The following CHD2 variants were observed in gnomAD, a reference collection of about 807,000 sequenced individuals.
The protein encoded by CHD2 is ATP-dependent chromatin remodeler CHD2.
In CHD2, 28 loss-of-function variants were observed where a neutral mutation model predicts 243.9. The ratio of observed to expected loss-of-function variants is 0.11; its 90% CI spans 0.09 to 0.16. CHD2 has a LOEUF of 0.16. Ranked by LOEUF, CHD2 falls within the 10% of genes least tolerant of loss-of-function variation. CHD2 has a pLI of 1.00. For synonymous variants in CHD2, 775 were observed against 779.0 expected (o/e 0.99, Z 0.09); for missense variants, 1,386 against 2,209.8 (o/e 0.63, Z 7.47).
intron 2 of CHD2, among the ~76,000 whole-genome samples, chr15:92,923,476 T>A (rs1596378736): frequency 6.6e-6 from 1 of 152,016 alleles, no homozygotes; most frequent in Non-Finnish European, 1.5e-5. Flanking sequence ...TCCAGGCTGG[T>A]CTTGAACTCC....
Position 92,980,804 on chromosome 15 carries a change from T to C in CHD2, c.2877-11T>C, listed in dbSNP as rs757874979. The C allele has an allele frequency of 6.2e-7, 1 of 1,600,718 alleles. No homozygotes were observed. The highest frequency in any genetic ancestry group is 8.6e-7 in the Non-Finnish European group (1 of 1,169,570). The stretch of plus-strand genomic sequence containing the variant: ...TTTGATGTTTCTAACAACTACATTT[T>C]ACTTCCACAGCTCAAATCCTTTTAA... On this transcript the variant is annotated splice_polypyrimidine_tract_variant and intron_variant, in intron 22 of 38. Coordinates refer to ENST00000394196, the MANE Select transcript of CHD2 (RefSeq NM_001271.4).
At chr15:92,971,243 G>C (rs2053837142) in intron 17 of CHD2, among the ~76,000 whole-genome samples, 2 of 152,130 alleles carry the variant, frequency 1.3e-5, no homozygotes, top group South Asian at 4.1e-4. Flanking sequence ...ATACTTACTA[G>C]TTAAGCATTC....
intron 5 of CHD2, among the ~76,000 whole-genome samples, chr15:92,935,271 C>T (rs1364800018): frequency 1.3e-5 from 2 of 152,096 alleles, no homozygotes; most frequent in Admixed American, 6.5e-5. Flanking sequence ...CTACTGACCT[C>T]GTGATCCGCC....
Position 92,978,421 on chromosome 15 carries a change from T to TG in CHD2, c.2727+43dup, listed in dbSNP as rs755167274. On this transcript the variant is annotated intron_variant, in intron 21 of 38. Coordinates refer to ENST00000394196, the MANE Select transcript of CHD2 (RefSeq NM_001271.4). ...AGGCTTCTGGAAATTGCTTTAGGGTTGGGGGCCAGGGGGCTTGTTCAGCCC... is the reference window on the plus strand; with the variant it reads ...AGGCTTCTGGAAATTGCTTTAGGGTTGGGGGGCCAGGGGGCTTGTTCAGCCC... 1.7e-5 allele frequency: 27 copies of TG among 1,595,248 alleles called. No individual in the cohort carries two copies. In the East Asian group the frequency reaches 6.1e-4, roughly 36 times the overall value.
At chr15:92,991,622 T>G (rs1462766121) in intron 27 of CHD2, 105 bp downstream of exon 27, 1 of 729,468 alleles carries the variant, frequency 1.4e-6, no homozygotes, top group Non-Finnish European at 2.2e-6. Flanking sequence ...CTGGGAACAT[T>G]TTTTTTTCTG....
chr15:92,978,519 T>A, intron 21 of CHD2, 136 bp downstream of exon 21: 1 of 866,680 alleles, frequency 1.2e-6, no homozygotes, highest in Non-Finnish European at 1.7e-6. Flanking sequence ...TTCTGTTTGT[T>A]AACTAGCACA....
At chr15:92,994,662 G>GA (rs1194839772) in intron 28 of CHD2, among the ~76,000 whole-genome samples, 4 of 152,278 alleles carry the variant, frequency 2.6e-5, no homozygotes, top group African/African-American at 9.6e-5. Context: ...GCTTAAAACT[G>GA]AAAAACGTAT....
intron 16 of CHD2, among the ~76,000 whole-genome samples, chr15:92,961,485 G>C (rs1389112790): frequency 1.3e-5 from 2 of 152,166 alleles, no homozygotes; most frequent in Middle Eastern, 3.4e-3. Flanking sequence ...CTGTAACCTC[G>C]AACTCCTGGG....
chr15:92,953,607 T>C, intron 14 of CHD2, 34 bp downstream of exon 14: 1 of 1,581,890 alleles, frequency 6.3e-7, no homozygotes, highest in Non-Finnish European at 8.7e-7. Flanking sequence ...TTAGAATCTG[T>C]GTTATAAATG....
Position 92,942,869 on chromosome 15 carries a change from G to A in CHD2, c.853G>A (p.Ala285Thr). ...CACTGGAGCATCTACTACTGTATAT[G>A]CGATTGAAGCTAATGGCGACCCTAG... is the stretch of plus-strand genomic sequence containing the variant. ...GATGASTTVY[A>T]IEANGDPSGD... Residue 285 changes from alanine to threonine, a missense_variant, in exon 9 of 39, where the codon GCG becomes ACG. Transcript: ENST00000394196. 1 of 1,613,554 alleles carries A rather than the reference G, an allele frequency of 6.2e-7. No homozygotes were observed. Among genetic ancestry groups the A allele is most frequent in the East Asian group, 2.2e-5 (1 of 44,866 alleles).
chr15:92,949,439 C>T (rs1163030463), intron 13 of CHD2, among the ~76,000 whole-genome samples: 3 of 152,186 alleles, frequency 2.0e-5, no homozygotes, highest in Admixed American at 6.5e-5. Context: ...GTCTTTTTCA[C>T]ATGTATTTTC....
intron 9 of CHD2, 44 bp downstream of exon 9, chr15:92,943,112 A>G (rs887073124): frequency 6.8e-7 from 1 of 1,479,524 alleles, no homozygotes; most frequent in Non-Finnish European, 9.4e-7. Flanking sequence ...TTGCAGCCTG[A>G]AAGAAGGGAA....
At chr15:92,956,672 C>G (rs1176745283) in intron 16 of CHD2, 23 bp downstream of exon 16, 1 of 1,586,570 alleles carries the variant, frequency 6.3e-7, no homozygotes, top group Non-Finnish European at 8.6e-7. Flanking sequence ...CTGTGTATTT[C>G]AAAAGATGCT....
At chr15:93,018,859 G>A (rs552769376) in intron 37 of CHD2, among the ~76,000 whole-genome samples, 24 of 152,290 alleles carry the variant, frequency 1.6e-4, no homozygotes, top group Non-Finnish European at 2.8e-4. Context: ...CTAAATTCAG[G>A]ATGATGTCAT....
chr15:92,975,991 T>C (rs1253222214), intron 20 of CHD2, among the ~76,000 whole-genome samples: 1 of 152,222 alleles, frequency 6.6e-6, no homozygotes, highest in Admixed American at 6.5e-5. Flanking sequence ...ATGATTCTGA[T>C]ACCCCACTTC....
intron 28 of CHD2, among the ~76,000 whole-genome samples, chr15:92,995,937 G>A (rs987941318): frequency 2.6e-5 from 4 of 152,158 alleles, no homozygotes; most frequent in Admixed American, 2.6e-4. Context: ...GTGAGAAACG[G>A]TATTTCATTT....
intron 2 of CHD2, chr15:92,904,967 C>G (rs1022878713): frequency 6.5e-7 from 1 of 1,535,930 alleles, no homozygotes; most frequent in Non-Finnish European, 8.7e-7. Context: ...TTACTTGGTA[C>G]CGTACATTTT....
intron 38 of CHD2, 123 bp from the exon 39 acceptor site, chr15:93,024,249 C>A: frequency 1.2e-6 from 1 of 827,414 alleles, no homozygotes; most frequent in Non-Finnish European, 1.9e-6. Context: ...TTTTTTGATT[C>A]CTAATAATGT....
chr15:92,916,657 G>T (rs1004542649), intron 2 of CHD2, among the ~76,000 whole-genome samples: 1 of 152,136 alleles, frequency 6.6e-6, no homozygotes, highest in Non-Finnish European at 1.5e-5. Flanking sequence ...ACGTTCAAGC[G>T]ATTCTCCTAC....
Sources: allele counts gnomAD v4.1 joint callset (sites outside exome capture counted in the v4.1 genomes callset), GRCh38; gene constraint gnomAD v4.1.1; transcripts MANE v1.5; gene names NCBI Gene and HGNC (gene_info 2026-07-23, HGNC 2026-07-21).